COL21A1: variants seen among roughly 807,000 people sequenced by gnomAD.
The protein encoded by COL21A1 is collagen type XXI alpha 1 chain, also known as collagen alpha-1(XXI) chain.
COL21A1 carries 149 observed loss-of-function variants against 137.9 expected under a neutral mutation model. That is an observed-to-expected ratio of 1.08 (90% CI 0.95 to 1.24). The LOEUF is 1.24. Among genes scored for constraint, COL21A1 ranks in the 50% most tolerant of loss-of-function variants. The pLI, the probability that COL21A1 is intolerant of heterozygous loss-of-function variation, is 0.00. For synonymous variants in COL21A1, 456 were observed against 391.5 expected, an observed-to-expected ratio of 1.16 and a Z score of -1.95; for missense variants, 1,167 against 1,158.4, an observed-to-expected ratio of 1.01 and a Z score of -0.11.
chr6:56,250,387 G>A (rs72877926), upstream of COL21A1, among the ~76,000 whole-genome samples: 1,759 of 152,308 alleles, frequency 0.012, 18 homozygotes, highest in Non-Finnish European at 0.019. Context: ...TGCTTTGGCT[G>A]GCCTCGGGGA....
At chr6:56,357,448 G>A (rs1192210364) in intron 1 of COL21A1, among the ~76,000 whole-genome samples, 1 of 152,082 alleles carries the variant, frequency 6.6e-6, no homozygotes, top group Admixed American at 6.5e-5. Flanking sequence ...CAGTGGAGGT[G>A]AAAGAAATAC....
At chr6:56,155,627 G>A (rs1381733470) in intron 10 of COL21A1, among the ~76,000 whole-genome samples, 1 of 152,124 alleles carries the variant, frequency 6.6e-6, no homozygotes, top group Non-Finnish European at 1.5e-5. Flanking sequence ...TTTATTTTGA[G>A]ACAGACTTTT....
At chr6:56,380,261 C>G (rs771988334) in intron 1 of COL21A1, among the ~76,000 whole-genome samples, 2 of 151,860 alleles carry the variant, frequency 1.3e-5, no homozygotes, top group Non-Finnish European at 2.9e-5. Flanking sequence ...TCACTAGAAA[C>G]TGAGCAGATG....
intron 1 of COL21A1, among the ~76,000 whole-genome samples, chr6:56,262,522 G>A (rs551788137): frequency 6.6e-6 from 1 of 152,278 alleles, no homozygotes; most frequent in South Asian, 2.1e-4. Flanking sequence ...CAAGAAGACA[G>A]CAATGTGTCA....
chr6:56,367,088 G>T (rs959267994), intron 1 of COL21A1, among the ~76,000 whole-genome samples: 1 of 152,140 alleles, frequency 6.6e-6, no homozygotes, highest in African/African-American at 2.4e-5. Context: ...TGGCTCATCA[G>T]AAACATGTTA....
chr6:56,177,007 GAGAAGGAGGAGGA>G (rs1395512423), intron 3 of COL21A1, among the ~76,000 whole-genome samples: 1 of 148,910 alleles, frequency 6.7e-6, no homozygotes, highest in African/African-American at 2.5e-5. Context: ...AAGGAGGAGG[GAGAAGGAGGAGGA>G]AGAAGAAGAG....
intron 12 of COL21A1, among the ~76,000 whole-genome samples, chr6:56,129,700 G>GTGT (rs58686329): frequency 4.0e-5 from 1 of 25,316 alleles, no homozygotes; most frequent in African/African-American, 1.7e-4. Context: ...GTGTGTGTGT[G>GTGT]AGAGAGAGAG....
intron 9 of COL21A1, among the ~76,000 whole-genome samples, chr6:56,158,107 A>T (rs1042753599): frequency 1.4e-4 from 21 of 152,108 alleles, no homozygotes; most frequent in African/African-American, 5.1e-4. Context: ...AAAAAATACT[A>T]AAAAATATCA....
intron 1 of COL21A1, among the ~76,000 whole-genome samples, chr6:56,284,885 C>A (rs931900059): frequency 3.9e-5 from 6 of 152,152 alleles, no homozygotes; most frequent in Non-Finnish European, 8.8e-5. Context: ...ATGGTTTTCT[C>A]TCCTCTGTTT....
chr6:56,242,843 T>C (rs1455541700), intron 1 of COL21A1, among the ~76,000 whole-genome samples: 1 of 152,194 alleles, frequency 6.6e-6, no homozygotes, highest in Non-Finnish European at 1.5e-5. Context: ...TAAATGTCCC[T>C]GAAATTAAAC....
chr6:56,148,110 T>G (rs2152245452), intron 10 of COL21A1, among the ~76,000 whole-genome samples: 1 of 152,254 alleles, frequency 6.6e-6, no homozygotes, highest in South Asian at 2.1e-4. Flanking sequence ...CTGTCATTTC[T>G]TTCAATACAG....
Position 56,125,547 on chromosome 6 carries a change from G to C in COL21A1, c.1650+20C>G. On this transcript the variant is annotated intron_variant, in intron 14 of 29. Transcript: ENST00000244728. The stretch of plus-strand genomic sequence containing the variant: ...ATTAAAAGTTCAATATGAATACTTT[G>C]TTGTGTGATCTATACTTCCCTTTTT... The C allele has an allele frequency of 6.4e-7, 1 of 1,563,576 alleles. No individual in the cohort carries two copies. The highest frequency in any genetic ancestry group is 8.7e-7 in the Non-Finnish European group (1 of 1,143,022).
chr6:56,104,775 A>C (rs930385194), intron 16 of COL21A1, among the ~76,000 whole-genome samples: 1 of 152,224 alleles, frequency 6.6e-6, no homozygotes, highest in Non-Finnish European at 1.5e-5. Context: ...TTTAAAAAAA[A>C]GGAAATTTAA....
At chr6:56,069,162 A>C in intron 21 of COL21A1, 45 bp from the exon 22 acceptor site, 1 of 1,307,994 alleles carries the variant, frequency 7.6e-7, no homozygotes, top group Non-Finnish European at 1.1e-6. Flanking sequence ...TCTACTGCTT[A>C]TGAAAAGCAC....
intron 1 of COL21A1, among the ~76,000 whole-genome samples, chr6:56,295,539 G>A (rs1033104640): frequency 2.0e-5 from 3 of 151,968 alleles, no homozygotes; most frequent in Non-Finnish European, 4.4e-5. Context: ...AGGAGGAAAT[G>A]ACATCTTAAT....
rs900943224 is a variant in COL21A1, at chr6:56,064,318, G to T, written c.2172+260C>A. ...AAGAAATGGGTGGAATTTTCTACCT[G>T]CAGTCATTTGCTTGGACGCATTAAA... On this transcript the variant is annotated intron_variant, in intron 24 of 29. Transcript: ENST00000244728. 3.3e-5 allele frequency among the ~76,000 whole-genome samples: 5 copies of T among 151,956 alleles called. No individual in the cohort carries two copies. In the South Asian group the frequency reaches 1.0e-3, roughly 32 times the overall value.
chr6:56,103,647 C>T (rs1488312675), intron 16 of COL21A1, among the ~76,000 whole-genome samples: 1 of 152,116 alleles, frequency 6.6e-6, no homozygotes, highest in African/African-American at 2.4e-5. Context: ...CAAGGTTCAT[C>T]AATAATGAAG....
In COL21A1 at chr6:56,134,465, A is replaced by G. The variant is rs141533819; in HGVS notation, c.1542+7320T>C. Among the ~76,000 whole-genome samples the G allele has an allele frequency of 1.2e-4, 18 of 152,302 alleles. No individual in the cohort carries two copies. In the East Asian group the frequency reaches 2.3e-3, roughly 20 times the overall value. ...AGTGGAAAGGACTTGCCTTGTCTCA[A>G]ATGAGACTTTGGACTATGGACTTTC... On this transcript the variant is annotated intron_variant, in intron 12 of 29. Coordinates refer to ENST00000244728, the MANE Select transcript of COL21A1 (RefSeq NM_030820.4).
chr6:56,172,311 T>G (rs1043259380), intron 3 of COL21A1, among the ~76,000 whole-genome samples: 1 of 152,166 alleles, frequency 6.6e-6, no homozygotes, highest in African/African-American at 2.4e-5. Context: ...CAAGGGAACC[T>G]TGATAAGACT....
Sources: allele counts gnomAD v4.1 joint callset (sites outside exome capture counted in the v4.1 genomes callset), GRCh38; gene constraint gnomAD v4.1.1; transcripts MANE v1.5; gene names NCBI Gene and HGNC (gene_info 2026-07-23, HGNC 2026-07-21).